STAG3: variants seen among roughly 807,000 people sequenced by gnomAD.
STAG3 encodes STAG3 cohesin complex component, also known as cohesin subunit SA-3.
STAG3 carries 101 observed loss-of-function variants against 160.7 expected under a neutral mutation model. The ratio of observed to expected loss-of-function variants is 0.63; its 90% confidence interval spans 0.54 to 0.74. The LOEUF (loss-of-function observed/expected upper bound fraction) is 0.74, where lower values mean the gene tolerates loss of function less well. STAG3 is among the 30% of genes least tolerant of loss of function. The probability of loss-of-function intolerance (pLI) is 0.00; values close to 1 mark genes in which losing one functional copy is unlikely to be tolerated. For missense variants in STAG3, 1,188 were observed against 1,517.4 expected, an observed-to-expected ratio of 0.78 and a Z score of 3.61; for synonymous variants, 519 against 585.0, an observed-to-expected ratio of 0.89 and a Z score of 1.63.
Position 100,188,984 on chromosome 7 carries a change from T to G in STAG3, c.683T>G (p.Val228Gly). 3 of 1,614,190 alleles carry G rather than the reference T, an allele frequency of 1.9e-6. No individual in the cohort carries two copies. The highest frequency in any genetic ancestry group is 2.5e-6 in the Non-Finnish European group (3 of 1,180,036). ...SLLTGLSDSQ[V>G]RAFRHTSTLA... ...CTCACTGGCCTCTCAGACTCACAAG[T>G]CCGCGCCTTCCGTCACACTAGCACC... is the stretch of plus-strand genomic sequence containing the variant. The change falls in exon 7 of 34, where the codon GTC (valine) becomes GGC (glycine). Residue 228 changes from valine to glycine, a missense_variant. Around this residue, in one of 4 missense-constraint regions of STAG3, gnomAD observed 296 missense variants for 404.0 expected, o/e 0.73. Transcript: ENST00000615138.
chr7:100,210,860 T>TGCA, intron 29 of STAG3, 151 bp from the exon 30 acceptor site: 1 of 797,198 alleles, frequency 1.3e-6, no homozygotes, highest in Non-Finnish European at 2.0e-6. Context: ...CATAGGGCTA[T>TGCA]GCCCATTTGA....
downstream of STAG3, among the ~76,000 whole-genome samples, chr7:100,217,356 T>A (rs1802849420): frequency 6.6e-6 from 1 of 152,228 alleles, no homozygotes; most frequent in African/African-American, 2.4e-5. Context: ...CAGGCCAGGC[T>A]GGACGAGCTG....
chr7:100,211,912 T>TA (rs758049971), intron 32 of STAG3, 36 bp downstream of exon 32: 2 of 1,597,684 alleles, frequency 1.3e-6, no homozygotes, highest in Non-Finnish European at 1.7e-6. Context: ...TCTCAAGAAC[T>TA]AGGGGCTGAT....
intron 2 of STAG3, 100 bp downstream of exon 2, chr7:100,180,772 A>G: frequency 1.3e-6 from 1 of 778,340 alleles, no homozygotes; most frequent in Non-Finnish European, 2.3e-6. Flanking sequence ...CTGTGTGAAA[A>G]CACCAGAAGT....
chr7:100,200,198 T>G (rs1169379026), intron 16 of STAG3, 38 bp from the exon 17 acceptor site: 1 of 1,556,014 alleles, frequency 6.4e-7, no homozygotes, highest in Non-Finnish European at 8.8e-7. Context: ...CCAGTGTTTC[T>G]TTACACCTCC....
chr7:100,196,718 G>A (rs1800715455), intron 9 of STAG3, among the ~76,000 whole-genome samples: 1 of 152,124 alleles, frequency 6.6e-6, no homozygotes, highest in African/African-American at 2.4e-5. Flanking sequence ...TTGAACCCGA[G>A]AGGTAGAGGT....
intron 2 of STAG3, 32 bp downstream of exon 2, chr7:100,180,704 C>T (rs1276359652): frequency 7.6e-7 from 1 of 1,317,920 alleles, no homozygotes; most frequent in South Asian, 1.2e-5. Flanking sequence ...TGGCCACTTC[C>T]TGTGTCCCTG....
Position 100,202,487 on chromosome 7 carries a change from G to C in STAG3, c.2597G>C (p.Arg866Pro), listed in dbSNP as rs777245782. Residue 866 changes from arginine (R) to proline (P), a missense_variant, in exon 25 of 34, where the codon CGG (arginine) becomes CCG (proline). By Grantham distance (103) the Arg-to-Pro change is moderately radical. Coordinates refer to ENST00000615138, the MANE Select transcript of STAG3 (RefSeq NM_001282717.2). ...CAGGAGGATCATTTACAGATAGAGC[G>C]GCTACACCAGCGGCGCCGCCTCCTA... Reference protein sequence around the residue: ...DSQEDHLQIERLHQRRRLLAG... With the variant: ...DSQEDHLQIEPLHQRRRLLAG... 6.2e-7 allele frequency: 1 copy of C among 1,613,974 alleles called. No homozygotes were observed. Among genetic ancestry groups the C allele is most frequent in the Admixed American group, 1.7e-5 (1 of 59,978 alleles).
At chr7:100,214,466 A>G (rs1636975), downstream of STAG3, 141,401 of 202,304 alleles carry the variant, frequency 0.7, 50,442 homozygotes, top group Middle Eastern at 0.85. Context: ...CAGCATATAG[A>G]TGTCCCCACA....
intron 25 of STAG3, among the ~76,000 whole-genome samples, chr7:100,203,303 A>G (rs1049190037): frequency 3.3e-5 from 5 of 150,516 alleles, no homozygotes; most frequent in African/African-American, 1.2e-4. Context: ...CTCCTGCCTC[A>G]GCCTCCCAAG....
intron 8 of STAG3, among the ~76,000 whole-genome samples, chr7:100,194,872 T>C (rs1168825912): frequency 1.3e-5 from 2 of 152,154 alleles, no homozygotes; most frequent in Admixed American, 6.5e-5. Flanking sequence ...GTTTGAAATA[T>C]TGTGAGAATT....
intron 8 of STAG3, among the ~76,000 whole-genome samples, chr7:100,194,214 G>T (rs1800537455): frequency 6.6e-6 from 1 of 152,126 alleles, no homozygotes; most frequent in Non-Finnish European, 1.5e-5. Flanking sequence ...AAAGTGCTGG[G>T]ATTATAGGTG....
At chr7:100,196,314 T>C (rs1334813803) in intron 9 of STAG3, among the ~76,000 whole-genome samples, 1 of 151,466 alleles carries the variant, frequency 6.6e-6, no homozygotes, top group Non-Finnish European at 1.5e-5. Context: ...GGAGTCTCAC[T>C]GTGTTGCCCA....
chr7:100,205,920 A>G (rs1801608327), intron 29 of STAG3, among the ~76,000 whole-genome samples: 1 of 151,974 alleles, frequency 6.6e-6, no homozygotes, highest in Non-Finnish European at 1.5e-5. Context: ...CTTGTATTCC[A>G]TTATTTTCGA....
intron 25 of STAG3, among the ~76,000 whole-genome samples, chr7:100,202,888 G>A (rs1422205286): frequency 6.6e-6 from 1 of 152,072 alleles, no homozygotes; most frequent in Non-Finnish European, 1.5e-5. Context: ...AACATAAGAA[G>A]GAAAAAAGAA....
chr7:100,214,093 G>A lies in STAG3; in HGVS notation c.*78G>A. The A allele has an allele frequency of 6.5e-7, 1 of 1,545,890 alleles. No individual in the cohort carries two copies. On this transcript the variant is annotated 3_prime_UTR_variant, in exon 34 of 34. Coordinates refer to ENST00000615138, the MANE Select transcript of STAG3 (RefSeq NM_001282717.2). ...TTTGGAAAAGGCAAAGAGAAAAGGA[G>A]CAAAATGAAGCATTCCCCCAGGCTT... is the stretch of plus-strand genomic sequence containing the variant.
intron 18 of STAG3, 26 bp from the exon 19 acceptor site, chr7:100,200,743 C>T: frequency 6.2e-7 from 1 of 1,612,282 alleles, no homozygotes; most frequent in Non-Finnish European, 8.5e-7. Context: ...CCCCACAGCA[C>T]ACCATCTTCT....
chr7:100,213,863 G>A lies in STAG3; in HGVS notation c.3672+57G>A, dbSNP rs535097215. On this transcript the variant is annotated intron_variant, in intron 33 of 33. Coordinates refer to ENST00000615138, the MANE Select transcript of STAG3 (RefSeq NM_001282717.2). ...CTTCGGAAATGCTGGCAGGCAACCC[G>A]TGCACTCATCAAATTGACAGGCCAT... The A allele has an allele frequency of 4.0e-5, 65 of 1,613,612 alleles. 1 individual carries two copies. In the South Asian group the frequency reaches 5.5e-4, roughly 14 times the overall value.
Position 100,202,573 on chromosome 7 carries a change from T to G in STAG3, c.2683T>G (p.Phe895Val). 2 of 1,613,806 alleles carry G rather than the reference T, an allele frequency of 1.2e-6. No homozygotes were observed. Among genetic ancestry groups the G allele is most frequent in the Non-Finnish European group, 1.7e-6 (2 of 1,179,990 alleles). Reference sequence around the variant, plus strand: ...GGAGATGGATGCAGCCTCAGATGTTTTCAAACACTACAACAAGGTACACCA... The same window carrying G: ...GGAGATGGATGCAGCCTCAGATGTTGTCAAACACTACAACAAGGTACACCA... The part of the protein sequence containing the change: ...VLEMDAASDV[F>V]KHYNKFYNDY... The change falls in exon 25 of 34, where the codon TTC becomes GTC. Residue 895 changes from phenylalanine to valine, a missense_variant. Physicochemically the swap from Phe to Val is conservative, Grantham distance 50. Coordinates refer to ENST00000615138, the MANE Select transcript of STAG3 (RefSeq NM_001282717.2).
Sources: gnomAD v4.1 joint callset for allele counts (sites outside exome capture counted in the v4.1 genomes callset) on GRCh38, gnomAD v4.1.1 for gene constraint, gnomAD v4.1.1 regional missense constraint, MANE v1.5 for transcripts, NCBI Gene and HGNC (gene_info 2026-07-23, HGNC 2026-07-21) for gene names.